Variants in VPS41 observed in about 807,000 individuals in gnomAD.
VPS41 encodes VPS41 subunit of HOPS complex.
In VPS41, 85 loss-of-function variants were observed where a neutral mutation model predicts 130.9. The ratio of observed to expected loss-of-function variants is 0.65; its 90% confidence interval spans 0.55 to 0.78. The LOEUF is 0.78. Ranked by LOEUF, VPS41 falls within the 30% of genes least tolerant of loss-of-function variation. VPS41 has a pLI of 0.00. For missense variants in VPS41, 874 were observed against 1,018.7 expected, an observed-to-expected ratio of 0.86 and a Z score of 1.93; for synonymous variants, 335 against 332.9, an observed-to-expected ratio of 1.01 and a Z score of -0.07.
intron 4 of VPS41, among the ~76,000 whole-genome samples, chr7:38,840,464 C>T (rs1785586820): frequency 6.6e-6 from 1 of 152,076 alleles, no homozygotes; most frequent in Non-Finnish European, 1.5e-5. Context: ...AAGACTTTAG[C>T]TCTCAAGTGA....
intron 7 of VPS41, among the ~76,000 whole-genome samples, chr7:38,798,140 G>A (rs1236327414): frequency 6.6e-6 from 1 of 152,054 alleles, no homozygotes; most frequent in Non-Finnish European, 1.5e-5. Flanking sequence ...CTTCGGGAGT[G>A]TCCCCAGACT....
In VPS41 at chr7:38,830,395, T is replaced by G. The variant is rs960391308; in HGVS notation, c.247-67A>C. On this transcript the variant is annotated intron_variant, in intron 4 of 28. Transcript: ENST00000310301. The stretch of plus-strand genomic sequence containing the variant: ...AATATATATCAACAATCAATGTCTT[T>G]GCTCTTTGTAAAATAGTAAGCTCTT... 21 of 961,806 alleles carry G rather than the reference T, an allele frequency of 2.2e-5. No homozygotes were observed. In the Admixed American group the frequency reaches 3.6e-4, roughly 16 times the overall value. 59.6% of individuals were successfully genotyped at this position (961,806 alleles called of 1,614,324 possible). A position where few individuals can be genotyped will look rare whatever the true frequency, so the allele number is the denominator to read the frequency against.
intron 10 of VPS41, 151 bp downstream of exon 10, chr7:38,789,650 T>C (rs1784499223): frequency 1.5e-6 from 1 of 660,966 alleles, no homozygotes; most frequent in Non-Finnish European, 2.7e-6. Flanking sequence ...GGACAGCAGA[T>C]GACAGTAATT....
intron 10 of VPS41, among the ~76,000 whole-genome samples, chr7:38,788,405 G>C (rs1784478662): frequency 6.6e-6 from 1 of 152,194 alleles, no homozygotes; most frequent in Non-Finnish European, 1.5e-5. Flanking sequence ...TGCACTTAAA[G>C]AGTTCCTGTG....
intron 22 of VPS41, 102 bp downstream of exon 22, chr7:38,752,074 G>A: frequency 6.7e-7 from 1 of 1,499,074 alleles, no homozygotes; most frequent in Non-Finnish European, 9.1e-7. Flanking sequence ...CCCCTGGAAA[G>A]GGACAGATGA....
chr7:38,850,841 C>A (rs1297108615), intron 4 of VPS41, among the ~76,000 whole-genome samples: 1 of 152,064 alleles, frequency 6.6e-6, no homozygotes, highest in African/African-American at 2.4e-5. Context: ...TGATAAATTC[C>A]CATTTTCTAG....
At chr7:38,831,539 C>G (rs1785387307) in intron 4 of VPS41, among the ~76,000 whole-genome samples, 1 of 152,232 alleles carries the variant, frequency 6.6e-6, no homozygotes, top group Non-Finnish European at 1.5e-5. Flanking sequence ...GCCTTCTTTA[C>G]AAAGCTCTTC....
chr7:38,835,508 A>G (rs2116196848), intron 4 of VPS41, among the ~76,000 whole-genome samples: 1 of 152,088 alleles, frequency 6.6e-6, no homozygotes, highest in Middle Eastern at 3.4e-3. Context: ...GTATTTGCCC[A>G]TTAATCTAGT....
At chr7:38,787,025 A>G (rs1784450455) in intron 10 of VPS41, among the ~76,000 whole-genome samples, 1 of 152,208 alleles carries the variant, frequency 6.6e-6, no homozygotes, top group Non-Finnish European at 1.5e-5. Context: ...AAATTCTAAG[A>G]CCACAGTATA....
At chr7:38,758,913 GGT>G (rs957760205) in intron 17 of VPS41, among the ~76,000 whole-genome samples, 1 of 151,980 alleles carries the variant, frequency 6.6e-6, no homozygotes, top group Non-Finnish European at 1.5e-5. Flanking sequence ...CCTGGAGGGT[GGT>G]GCACCCAAAG....
At chr7:38,732,551 A>G (rs1795685796) in intron 25 of VPS41, among the ~76,000 whole-genome samples, 1 of 152,344 alleles carries the variant, frequency 6.6e-6, no homozygotes, top group African/African-American at 2.4e-5. Context: ...TATTGAACAT[A>G]CAGATGATTA....
intron 2 of VPS41, among the ~76,000 whole-genome samples, chr7:38,894,726 G>A (rs1014321318): frequency 6.6e-6 from 1 of 152,062 alleles, no homozygotes; most frequent in African/African-American, 2.4e-5. Context: ...CATACAAAAA[G>A]CACAAGGTAT....
At chr7:38,746,895 AG>A (rs1412868933) in intron 22 of VPS41, among the ~76,000 whole-genome samples, 9 of 152,270 alleles carry the variant, frequency 5.9e-5, no homozygotes, top group Non-Finnish European at 1.0e-4. Flanking sequence ...CATGAGGTCA[AG>A]GTCACCCAAG....
At chr7:38,783,028 G>A (rs1784381256) in intron 10 of VPS41, among the ~76,000 whole-genome samples, 1 of 151,378 alleles carries the variant, frequency 6.6e-6, no homozygotes, top group Non-Finnish European at 1.5e-5. Context: ...TGAGGCAGGA[G>A]AATCGCTTGA....
intron 12 of VPS41, among the ~76,000 whole-genome samples, chr7:38,773,472 A>T (rs1476873653): frequency 6.6e-6 from 1 of 152,216 alleles, no homozygotes; most frequent in South Asian, 2.1e-4. Context: ...AATATTCTCA[A>T]CAAATGTCAA....
At position 38,880,751 on chromosome 7, in the gene VPS41, T is replaced by C. The variant is rs192672534; in HGVS notation, c.61-11498A>G. On this transcript the variant is annotated intron_variant, in intron 2 of 28. Coordinates refer to ENST00000310301, the MANE Select transcript of VPS41 (RefSeq NM_014396.4). ...ATAGCTCATGGATGAAAGAAACCTT[T>C]GTGCTATTTAGATTTGTTATAGCAT... 5.3e-5 allele frequency among the ~76,000 whole-genome samples: 8 copies of C among 152,350 alleles called. No individual in the cohort carries two copies. In the East Asian group the frequency reaches 1.5e-3, roughly 29 times the overall value.
At chr7:38,848,730 G>A (rs1026619750) in intron 4 of VPS41, among the ~76,000 whole-genome samples, 5 of 152,132 alleles carry the variant, frequency 3.3e-5, no homozygotes, top group African/African-American at 1.2e-4. Flanking sequence ...TGGCTGGCTG[G>A]CGTCTGACCC....
At chr7:38,796,998 C>G in intron 7 of VPS41, 134 bp from the exon 8 acceptor site, 1 of 958,694 alleles carries the variant, frequency 1.0e-6, no homozygotes, top group Non-Finnish European at 1.6e-6. Flanking sequence ...TGTAGACTTA[C>G]AGTAGTATGT....
chr7:38,752,892 A>G (rs933437944), intron 21 of VPS41, among the ~76,000 whole-genome samples: 1 of 152,220 alleles, frequency 6.6e-6, no homozygotes, highest in Admixed American at 6.5e-5. Context: ...TGACTCTTCA[A>G]ATGAAATGCT....
Sources: allele counts gnomAD v4.1 joint callset (sites outside exome capture counted in the v4.1 genomes callset), GRCh38; gene constraint gnomAD v4.1.1; transcripts MANE v1.5; gene names NCBI Gene and HGNC (gene_info 2026-07-23, HGNC 2026-07-21).